Variants in CACNA1B observed in about 807,000 individuals in gnomAD.
CACNA1B encodes voltage-dependent N-type calcium channel subunit alpha-1B.
A neutral mutation model predicts 247.2 loss-of-function variants in CACNA1B; 70 were observed. The observed-to-expected ratio is 0.28, with a 90% CI of 0.23 to 0.35. The LOEUF (loss-of-function observed/expected upper bound fraction) is 0.35. Ranked by LOEUF, CACNA1B falls within the 10% of genes least tolerant of loss-of-function variation. The pLI is 1.00. For synonymous variants in CACNA1B, 1,231 were observed against 1,294.4 expected, an observed-to-expected ratio of 0.95 and a Z score of 1.05; for missense variants, 2,367 against 3,197.4, an observed-to-expected ratio of 0.74 and a Z score of 6.26.
intron 6 of CACNA1B, among the ~76,000 whole-genome samples, chr9:137,921,955 G>A (rs1957488603): frequency 6.8e-6 from 1 of 147,784 alleles, no homozygotes; most frequent in Non-Finnish European, 1.5e-5. Context: ...CAGCATCCTG[G>A]GAGCAGAGTA....
At chr9:137,961,712 G>A (rs1465444818) in intron 10 of CACNA1B, among the ~76,000 whole-genome samples, 1 of 152,202 alleles carries the variant, frequency 6.6e-6, no homozygotes, top group Non-Finnish European at 1.5e-5. Context: ...TCCCAGGGAT[G>A]AAGCCTACTT....
chr9:138,059,546 G>T lies in CACNA1B; in HGVS notation c.4585-108G>T. 1 of 746,906 alleles carries T rather than the reference G, an allele frequency of 1.3e-6. No homozygotes were observed. The highest frequency in any genetic ancestry group is 2.4e-5 in the East Asian group (1 of 40,880). The allele number at this position is 746,906 out of a possible 1,614,324, so 46.3% of individuals were successfully genotyped here. On this transcript the variant is annotated intron_variant, in intron 30 of 46. Transcript: ENST00000371372. This position sits in a 1 kb window ranked among gnomAD's most constrained non-coding sequence, Gnocchi z 4.2. ...GTGGCCTGTCTGCCCTGTGCTCAGG[G>T]TCTATCACCCTCACCGCTTTCTTAA...
At chr9:137,958,950 A>G (rs1043544847) in intron 10 of CACNA1B, among the ~76,000 whole-genome samples, 1 of 152,058 alleles carries the variant, frequency 6.6e-6, no homozygotes, top group Non-Finnish European at 1.5e-5. Flanking sequence ...GACTCTTCCC[A>G]TATGCTATAC....
chr9:138,009,735 G>A (rs1399679389), intron 16 of CACNA1B, among the ~76,000 whole-genome samples: 1 of 152,194 alleles, frequency 6.6e-6, no homozygotes, highest in Admixed American at 6.5e-5. Context: ...GAGCTGGGTT[G>A]GGGGAAGAGG....
At position 138,052,909 on chromosome 9, in the gene CACNA1B, T is replaced by C. The variant is rs1303071376; in HGVS notation, c.3807+721T>C. The stretch of plus-strand genomic sequence containing the variant: ...TGCCAGGCTGCTTTGTGGGAGACGG[T>C]TGTGGCCCCACCTTCCCGTCACAGC... On this transcript the variant is annotated intron_variant, in intron 25 of 46. Coordinates refer to ENST00000371372, the MANE Select transcript of CACNA1B (RefSeq NM_000718.4). This position sits in a 1 kb window ranked among gnomAD's most constrained non-coding sequence, Gnocchi z 5.1. Among the ~76,000 whole-genome samples, 1 of 152,164 alleles carries C rather than the reference T, an allele frequency of 6.6e-6. No homozygotes were observed. The highest frequency in any genetic ancestry group is 2.4e-5 in the African/African-American group (1 of 41,440).
chr9:138,000,253 T>G (rs539115133), intron 15 of CACNA1B, among the ~76,000 whole-genome samples: 4 of 151,802 alleles, frequency 2.6e-5, no homozygotes, highest in Non-Finnish European at 5.9e-5. Context: ...CGCCCGCCAC[T>G]ACGCCCGGCT....
chr9:138,092,650 T>G (rs1359956938), intron 36 of CACNA1B, among the ~76,000 whole-genome samples: 2 of 152,160 alleles, frequency 1.3e-5, no homozygotes, highest in Non-Finnish European at 2.9e-5. Flanking sequence ...GATTAAGAGA[T>G]TAAAGTAAAG....
In CACNA1B at chr9:137,882,830, C is replaced by T. The variant is rs200676009; in HGVS notation, c.477C>T (p.Gly159=). 6.2e-7 allele frequency: 1 copy of T among 1,613,956 alleles called. No individual in the cohort carries two copies. Among genetic ancestry groups the T allele is most frequent in the Non-Finnish European group, 8.5e-7 (1 of 1,179,844 alleles). Residue 159 remains glycine (G), a synonymous_variant, in exon 3 of 47, where the codon GGC becomes GGT. Transcript: ENST00000371372. This position sits in a 1 kb window ranked among gnomAD's most constrained non-coding sequence, Gnocchi z 4.0. ...CTCTGGGCTTTGTCTTCCACAAGGG[C>T]TCTTACCTGCGGAACGGCTGGAACG... The part of the protein sequence containing the change: ...IIALGFVFHK[G]SYLRNGWNVM...
In CACNA1B at chr9:137,881,621, C is replaced by T. The variant is rs1232675191; in HGVS notation, c.391-1123C>T. ...CAGGTGTCCGACACCCCCATGCCAACCCTGCACATGCAGCTCCCTCAGCCC... is the reference window on the plus strand; with the variant it reads ...CAGGTGTCCGACACCCCCATGCCAATCCTGCACATGCAGCTCCCTCAGCCC... On this transcript the variant is annotated intron_variant, in intron 2 of 46. Transcript: ENST00000371372. The surrounding 1 kb of genome is among the most constrained non-coding windows in gnomAD (Gnocchi z 4.3). Among the ~76,000 whole-genome samples the T allele has an allele frequency of 6.6e-6, 1 of 152,224 alleles. No individual in the cohort carries two copies. Among genetic ancestry groups the T allele is most frequent in the African/African-American group, 2.4e-5 (1 of 41,464 alleles).
At chr9:137,892,802 C>T (rs187326224) in intron 3 of CACNA1B, among the ~76,000 whole-genome samples, 1 of 152,346 alleles carries the variant, frequency 6.6e-6, no homozygotes, top group African/African-American at 2.4e-5. Context: ...TCCCTGTTCC[C>T]ATCACGGGCC....
In CACNA1B at chr9:138,122,056, G is replaced by A; in HGVS notation, c.*57G>A. The stretch of plus-strand genomic sequence containing the variant: ...AGCAGGCGTGTGTTCCAGTGGATGA[G>A]TTTTATCATCCACACGGGGCAGCCG... On this transcript the variant is annotated 3_prime_UTR_variant, in exon 47 of 47. Coordinates refer to ENST00000371372, the MANE Select transcript of CACNA1B (RefSeq NM_000718.4). 1.4e-6 allele frequency: 2 copies of A among 1,463,392 alleles called. No individual in the cohort carries two copies. The highest frequency in any genetic ancestry group is 1.8e-6 in the Non-Finnish European group (2 of 1,088,788). 90.7% of individuals were successfully genotyped at this position (1,463,392 alleles called of 1,614,324 possible).
At chr9:137,948,920 GTC>G (rs918890307) in intron 6 of CACNA1B, among the ~76,000 whole-genome samples, 11 of 141,306 alleles carry the variant, frequency 7.8e-5, no homozygotes, top group African/African-American at 2.4e-4. Flanking sequence ...TGTTTGTGGT[GTC>G]TCTGTGGTGT....
At position 138,010,197 on chromosome 9, in the gene CACNA1B, C is replaced by A. The variant is rs556960560; in HGVS notation, c.2160+120C>A. 1.4e-6 allele frequency: 1 copy of A among 697,532 alleles called. No homozygotes were observed. Among genetic ancestry groups the A allele is most frequent in the Admixed American group, 2.3e-5 (1 of 43,022 alleles). 43.2% of individuals were successfully genotyped at this position (697,532 alleles called of 1,614,324 possible). Reference sequence around the variant, plus strand: ...CCAGGAGCGTTGCCTTGGGTCCTGGCGGGCAGAGGCTGGTCTGTCACTCAG... The same window carrying A: ...CCAGGAGCGTTGCCTTGGGTCCTGGAGGGCAGAGGCTGGTCTGTCACTCAG... On this transcript the variant is annotated intron_variant, in intron 17 of 46. Coordinates refer to ENST00000371372, the MANE Select transcript of CACNA1B (RefSeq NM_000718.4). The surrounding 1 kb of genome is among the most constrained non-coding windows in gnomAD (Gnocchi z 5.3).
At chr9:138,023,859 C>T in intron 19 of CACNA1B, 48 bp downstream of exon 19, 2 of 940,660 alleles carry the variant, frequency 2.1e-6, no homozygotes, top group East Asian at 2.7e-5. Context: ...TTGGCCGGGG[C>T]GGCGCGGGCC....
chr9:138,075,876 C>T lies in CACNA1B; in HGVS notation c.4915C>T (p.Arg1639Trp), dbSNP rs369357018. 5 of 1,612,740 alleles carry T rather than the reference C, an allele frequency of 3.1e-6. No individual in the cohort carries two copies. The highest frequency in any genetic ancestry group is 1.3e-5 in the African/African-American group (1 of 75,054). Residue 1639 changes from arginine to tryptophan, a missense_variant, in exon 35 of 47, where the codon CGG becomes TGG. Transcript: ENST00000371372. Reference protein sequence around the residue: ...DTSINRHNNFRTFLQALMLLF... With the variant: ...DTSINRHNNFWTFLQALMLLF... ...CAGCATCAACCGCCACAACAACTTC[C>T]GGACGTTTTTGCAAGCCCTGATGCT...
At chr9:138,047,124 GGTCCTGTC>G in intron 22 of CACNA1B, 91 bp downstream of exon 22, 1 of 1,251,256 alleles carries the variant, frequency 8.0e-7, no homozygotes, top group Non-Finnish European at 1.1e-6. Context: ...GTGGGGCTGA[GGTCCTGTC>G]GTCTCACAGG....
At chr9:138,077,584 G>A (rs375330614) in intron 35 of CACNA1B, among the ~76,000 whole-genome samples, 16 of 152,302 alleles carry the variant, frequency 1.1e-4, no homozygotes, top group African/African-American at 3.8e-4. Flanking sequence ...GCCGTGTAGG[G>A]CAGAGTGAGA....
chr9:138,046,494 C>G (rs1352911380), intron 21 of CACNA1B, among the ~76,000 whole-genome samples: 2 of 152,244 alleles, frequency 1.3e-5, no homozygotes, highest in Non-Finnish European at 2.9e-5. Context: ...CTGCCCACAG[C>G]TGACCTCTTC....
intron 6 of CACNA1B, among the ~76,000 whole-genome samples, chr9:137,927,873 T>C (rs1589012918): frequency 6.6e-6 from 1 of 152,314 alleles, no homozygotes; most frequent in East Asian, 1.9e-4. Context: ...GTCACATGTG[T>C]TTTCTGCACT....
Sources: gnomAD v4.1 joint callset for allele counts (sites outside exome capture counted in the v4.1 genomes callset) on GRCh38, gnomAD v4.1.1 for gene constraint, Gnocchi (gnomAD v3.1) non-coding constraint, MANE v1.5 for transcripts, NCBI Gene and HGNC (gene_info 2026-07-23, HGNC 2026-07-21) for gene names.